The following TLN2 variants were observed in gnomAD, a reference collection of about 807,000 sequenced individuals.
The protein encoded by TLN2 is talin 2, also known as talin-2.
A neutral mutation model predicts 294.7 loss-of-function variants in TLN2; 118 were observed. That is an observed-to-expected ratio of 0.40 (90% confidence interval 0.34 to 0.47). The LOEUF (loss-of-function observed/expected upper bound fraction) is 0.47, where lower values mean the gene tolerates loss of function less well. Ranked by LOEUF, TLN2 falls within the 20% of genes least tolerant of loss-of-function variation. The pLI is 0.84. For missense variants in TLN2, 3,083 were observed against 3,282.2 expected (o/e 0.94, Z 1.48); for synonymous variants, 1,431 against 1,304.5 (o/e 1.10, Z -2.09).
At chr15:62,436,477 T>C (rs1032390159) in intron 1 of TLN2, among the ~76,000 whole-genome samples, 4 of 152,162 alleles carry the variant, frequency 2.6e-5, no homozygotes, top group Non-Finnish European at 5.9e-5. Context: ...TGCCAGCCTT[T>C]CGTGAGCAGG....
intron 1 of TLN2, among the ~76,000 whole-genome samples, chr15:62,536,709 A>G (rs1287094189): frequency 2.0e-5 from 3 of 152,214 alleles, no homozygotes; most frequent in Non-Finnish European, 4.4e-5. Flanking sequence ...TTGTAAAGTC[A>G]GCAGGATGCT....
intron 1 of TLN2, among the ~76,000 whole-genome samples, chr15:62,495,761 A>G (rs2038981443): frequency 6.6e-6 from 1 of 152,200 alleles, no homozygotes; most frequent in South Asian, 2.1e-4. Context: ...TAAAAGCCCT[A>G]AAGGGCCACA....
intron 54 of TLN2, chr15:62,830,217 T>G (rs1023272180): frequency 4.6e-5 from 7 of 152,218 alleles, no homozygotes; most frequent in Non-Finnish European, 8.8e-5. Context: ...GAGATCTGAC[T>G]GACCCTGGTC....
At chr15:62,602,428 G>T (rs2047078613) in intron 2 of TLN2, among the ~76,000 whole-genome samples, 1 of 152,240 alleles carries the variant, frequency 6.6e-6, no homozygotes, top group Admixed American at 6.5e-5. Context: ...GTTTTTAGAG[G>T]TTCCTTTTTT....
chr15:62,581,719 T>G (rs148851104), intron 1 of TLN2, among the ~76,000 whole-genome samples: 1 of 152,066 alleles, frequency 6.6e-6, no homozygotes, highest in African/African-American at 2.4e-5. Context: ...AGTCGAGAAG[T>G]TTATTCACAG....
intron 2 of TLN2, among the ~76,000 whole-genome samples, chr15:62,616,729 G>T (rs8043290): frequency 0.18 from 27,450 of 152,198 alleles, 2,559 homozygotes; most frequent in Middle Eastern, 0.26. Context: ...AGCCTTTGCT[G>T]TCTCATCTGG....
intron 1 of TLN2, among the ~76,000 whole-genome samples, chr15:62,515,762 A>G (rs1314646704): frequency 6.6e-6 from 1 of 151,966 alleles, no homozygotes; most frequent in Non-Finnish European, 1.5e-5. Context: ...GTGTTTTTAT[A>G]TCAGACTCCA....
At chr15:62,601,059 A>C (rs1362534902) in intron 2 of TLN2, among the ~76,000 whole-genome samples, 1 of 152,116 alleles carries the variant, frequency 6.6e-6, no homozygotes, top group East Asian at 1.9e-4. Flanking sequence ...CTTCTTCTCT[A>C]TCTCTCCATA....
At chr15:62,562,906 T>TCACACACACACACACACACACACA (rs61578830) in intron 1 of TLN2, among the ~76,000 whole-genome samples, 1 of 99,244 alleles carries the variant, frequency 1.0e-5, no homozygotes, top group African/African-American at 3.8e-5. Context: ...TAGTATTCCA[T>TCACACACACACACACACACACACA]CACACACACA....
chr15:62,402,784 C>T (rs1247923407), intron 1 of TLN2, among the ~76,000 whole-genome samples: 2 of 152,186 alleles, frequency 1.3e-5, no homozygotes, highest in East Asian at 3.8e-4. Flanking sequence ...CATCATCTTC[C>T]TATACTAAAC....
chr15:62,673,564 T>C lies in TLN2; in HGVS notation c.789-263T>C, dbSNP rs1481820296. Among the ~76,000 whole-genome samples, 7 of 7,482 alleles carry C rather than the reference T, an allele frequency of 9.4e-4. No individual in the cohort carries two copies. The East Asian group carries it at 0.019, about 20-fold the overall frequency. 4.9% of individuals were successfully genotyped at this position (7,482 alleles called of 152,430 possible). On this transcript the variant is annotated intron_variant, in intron 9 of 58. Coordinates refer to ENST00000636159, the MANE Select transcript of TLN2 (RefSeq NM_015059.3). ...GATAGCATACTATATACTCTTGTGC[T>C]CTTTTTTTTTTTTTTCACTTTACAA...
At chr15:62,733,695 G>C (rs1030617589) in intron 28 of TLN2, among the ~76,000 whole-genome samples, 2 of 152,190 alleles carry the variant, frequency 1.3e-5, no homozygotes, top group African/African-American at 2.4e-5. Flanking sequence ...TACTATATTT[G>C]ATATCACTTG....
intron 21 of TLN2, among the ~76,000 whole-genome samples, chr15:62,709,257 A>G (rs936243503): frequency 6.6e-6 from 1 of 152,224 alleles, no homozygotes; most frequent in African/African-American, 2.4e-5. Flanking sequence ...GGCCTAGACC[A>G]TGGCCTTTAT....
chr15:62,662,398 C>T (rs897355376), intron 9 of TLN2, among the ~76,000 whole-genome samples: 2 of 152,108 alleles, frequency 1.3e-5, no homozygotes, highest in Non-Finnish European at 2.9e-5. Context: ...AAGCTCCTCT[C>T]CTTAATTTGA....
intron 1 of TLN2, among the ~76,000 whole-genome samples, chr15:62,458,264 G>A (rs947741660): frequency 4.6e-5 from 7 of 152,148 alleles, no homozygotes; most frequent in African/African-American, 1.7e-4. Flanking sequence ...TCCATGCTAA[G>A]GGTCAGGCGG....
At chr15:62,410,506 T>C (rs933439598) in intron 1 of TLN2, among the ~76,000 whole-genome samples, 2 of 152,240 alleles carry the variant, frequency 1.3e-5, no homozygotes, top group East Asian at 1.9e-4. Context: ...CCATGCTTTT[T>C]GTGAATTAGT....
chr15:62,694,453 G>A, intron 14 of TLN2, 61 bp downstream of exon 14: 1 of 1,439,618 alleles, frequency 6.9e-7, no homozygotes, highest in Non-Finnish European at 9.7e-7. Flanking sequence ...GTTTCCTCTT[G>A]CCAGCTTGGA....
At chr15:62,587,227 A>G (rs915841669) in intron 1 of TLN2, among the ~76,000 whole-genome samples, 1 of 152,060 alleles carries the variant, frequency 6.6e-6, no homozygotes, top group South Asian at 2.1e-4. Flanking sequence ...ATTGTGACAG[A>G]GAAGGAGAGT....
chr15:62,415,266 G>T (rs140518414), intron 1 of TLN2, among the ~76,000 whole-genome samples: 3 of 141,646 alleles, frequency 2.1e-5, no homozygotes, highest in African/African-American at 7.6e-5. Flanking sequence ...TGGGAGGAAA[G>T]GGTAGGAGAG....
Sources: gnomAD v4.1 joint callset for allele counts (sites outside exome capture counted in the v4.1 genomes callset) on GRCh38, gnomAD v4.1.1 for gene constraint, MANE v1.5 for transcripts, NCBI Gene and HGNC (gene_info 2026-07-23, HGNC 2026-07-21) for gene names.